LZTFL1: variants seen among roughly 807,000 people sequenced by gnomAD.
The protein encoded by LZTFL1 is leucine zipper transcription factor like 1, also known as leucine zipper transcription factor-like protein 1.
Under a neutral mutation model 45.9 loss-of-function variants are expected in LZTFL1, and 25 were observed. The observed-to-expected ratio is 0.54, with a 90% CI of 0.40 to 0.76. The LOEUF (loss-of-function observed/expected upper bound fraction) is 0.76. LZTFL1 is among the 30% of genes least tolerant of loss of function. LZTFL1 has a pLI of 0.00. For missense variants in LZTFL1, 277 were observed against 331.1 expected, an observed-to-expected ratio of 0.84 and a Z score of 1.27; for synonymous variants, 93 against 117.4, an observed-to-expected ratio of 0.79 and a Z score of 1.35.
At chr3:45,840,303 G>A (rs912671428) in intron 1 of LZTFL1, among the ~76,000 whole-genome samples, 1 of 152,154 alleles carries the variant, frequency 6.6e-6, no homozygotes, top group African/African-American at 2.4e-5. Context: ...CCTAGGAAAC[G>A]GCTATTCACA....
intron 2 of LZTFL1, among the ~76,000 whole-genome samples, chr3:45,864,257 A>G (rs1349996928): frequency 1.3e-5 from 2 of 152,258 alleles, no homozygotes; most frequent in Non-Finnish European, 1.5e-5. Context: ...GTAGCATATT[A>G]GTTCAAAATA....
rs555041020 is a variant in LZTFL1, at chr3:45,834,558, G to A, written c.324-260C>T. On this transcript the variant is annotated intron_variant, in intron 3 of 9. Transcript: ENST00000296135. ...TCTACTGCTAGAAATAAACCATAAT[G>A]TTAATACAAATATGAGGAAAATTTA... 41 of 288,356 alleles carry A rather than the reference G, an allele frequency of 1.4e-4. No individual in the cohort carries two copies. The South Asian group carries it at 3.7e-3, about 26-fold the overall frequency. The allele number at this position is 288,356 out of a possible 1,614,324, so 17.9% of individuals were successfully genotyped here.
At chr3:45,836,897 C>G (rs1009148930) in intron 2 of LZTFL1, among the ~76,000 whole-genome samples, 1 of 152,120 alleles carries the variant, frequency 6.6e-6, no homozygotes, top group African/African-American at 2.4e-5. Flanking sequence ...CTGTGTGTGC[C>G]TTCCAGTTTC....
rs1700628635 is a variant in LZTFL1, at chr3:45,824,986, T to TAA, written c.*1327_*1328insTT. On this transcript the variant is annotated 3_prime_UTR_variant, in exon 10 of 10. Coordinates refer to ENST00000296135, the MANE Select transcript of LZTFL1 (RefSeq NM_020347.4). ...CTTAAGACTGCCTTCTGTGTCCTTT[T>TAA]GCAGGGAAATTATCTTACCCTTTAA... 2.5e-6 allele frequency: 1 copy of TAA among 398,008 alleles called. No individual in the cohort carries two copies. Among genetic ancestry groups the TAA allele is most frequent in the Non-Finnish European group, 4.4e-6 (1 of 225,696 alleles). The allele number at this position is 398,008 out of a possible 1,614,324, so 24.7% of individuals were successfully genotyped here.
rs554356256 is a variant in LZTFL1, at chr3:45,898,964, G to A, written c.-215+14156C>T. Among the ~76,000 whole-genome samples the A allele has an allele frequency of 7.9e-5, 12 of 152,218 alleles. No homozygotes were observed. In the East Asian group the frequency reaches 1.9e-3, roughly 24 times the overall value. ...GGGTGGATTACGAGGTCAGAAGTTC[G>A]AGACCAGCCTGACCAACATGGTGAA... On this transcript the variant is annotated intron_variant, in intron 2 of 4. Coordinates refer to the LZTFL1 transcript ENST00000472635.
intron 2 of LZTFL1, among the ~76,000 whole-genome samples, chr3:45,876,407 C>T (rs1701749738): frequency 6.6e-6 from 1 of 152,120 alleles, no homozygotes; most frequent in African/African-American, 2.4e-5. Flanking sequence ...CGTGTGGGTG[C>T]CAAACTCACA....
chr3:45,834,591 C>T, intron 3 of LZTFL1: 1 of 238,588 alleles, frequency 4.2e-6, no homozygotes, highest in East Asian at 8.1e-5. Context: ...TTATAGTCAA[C>T]TTTGTATTCT....
Position 45,860,970 on chromosome 3 carries a change from T to G in LZTFL1, c.-214-1954A>C, listed in dbSNP as rs557358358. On this transcript the variant is annotated intron_variant, in intron 2 of 4. Transcript: ENST00000472635. ...AACATGTTTGTGCTTGACCCTCATTTGGGCATATTTCTTCTGGGTCTTTTA... is the reference window on the plus strand; with the variant it reads ...AACATGTTTGTGCTTGACCCTCATTGGGGCATATTTCTTCTGGGTCTTTTA... Among the ~76,000 whole-genome samples, 174 of 152,316 alleles carry G rather than the reference T, an allele frequency of 1.1e-3. 1 individual carries two copies. Among genetic ancestry groups the G allele is most frequent in the African/African-American group, 4.0e-3 (168 of 41,580 alleles).
At chr3:45,882,837 C>A (rs1274057454) in intron 2 of LZTFL1, among the ~76,000 whole-genome samples, 4 of 143,582 alleles carry the variant, frequency 2.8e-5, no homozygotes, top group South Asian at 4.7e-4. Context: ...TTATTATTAA[C>A]ATTTTTTTAA....
At chr3:45,888,902 A>G (rs974911548) in intron 2 of LZTFL1, among the ~76,000 whole-genome samples, 2 of 152,226 alleles carry the variant, frequency 1.3e-5, no homozygotes, top group African/African-American at 4.8e-5. Flanking sequence ...CAAATTTTCT[A>G]TGAGCCAGAA....
intron 1 of LZTFL1, among the ~76,000 whole-genome samples, chr3:45,839,452 T>G (rs867169246): frequency 1.3e-5 from 2 of 152,168 alleles, no homozygotes; most frequent in Admixed American, 1.3e-4. Context: ...TCCCAAAACC[T>G]CCCAAACTCT....
intron 5 of LZTFL1, 147 bp from the exon 6 acceptor site, chr3:45,831,285 A>G (rs1700809682): frequency 3.7e-6 from 2 of 543,338 alleles, no homozygotes; most frequent in Middle Eastern, 4.8e-4. Flanking sequence ...TAATATCCCA[A>G]TTTCATCCAG....
At chr3:45,851,350 C>T (rs1701307528) in intron 4 of LZTFL1, among the ~76,000 whole-genome samples, 1 of 151,704 alleles carries the variant, frequency 6.6e-6, no homozygotes, top group Admixed American at 6.6e-5. Context: ...CATCAGCCTC[C>T]TGAGTAGCTG....
At position 45,900,268 on chromosome 3, in the gene LZTFL1, T is replaced by A. The variant is rs1350720806; in HGVS notation, c.-215+12852A>T. 6.6e-6 allele frequency among the ~76,000 whole-genome samples: 1 copy of A among 152,154 alleles called. No homozygotes were observed. Among genetic ancestry groups the A allele is most frequent in the East Asian group, 1.9e-4 (1 of 5,198 alleles). ...GGTTGAGAGTGTCTGTGTGTGTATG[T>A]GTATGTGCATGTGTATGTGGGTGTA... On this transcript the variant is annotated intron_variant, in intron 2 of 4. Transcript: ENST00000472635. The surrounding 1 kb of genome is among the most constrained non-coding windows in gnomAD (Gnocchi z 4.7).
At chr3:45,879,971 C>T (rs1217187301) in intron 2 of LZTFL1, among the ~76,000 whole-genome samples, 1 of 152,176 alleles carries the variant, frequency 6.6e-6, no homozygotes, top group African/African-American at 2.4e-5. Context: ...TGTCCTCCTT[C>T]CATCAGGGGT....
chr3:45,861,958 T>C (rs1423933220), intron 2 of LZTFL1, among the ~76,000 whole-genome samples: 3 of 152,208 alleles, frequency 2.0e-5, no homozygotes, highest in African/African-American at 7.2e-5. Flanking sequence ...TTTGTCAAAG[T>C]ATTTTATTCC....
At position 45,837,993 on chromosome 3, in the gene LZTFL1, G is replaced by A; in HGVS notation, c.62C>T (p.Ala21Val). Reference protein sequence around the residue: ...QNEVINYMRFARSKRGLRLKT... With the variant: ...QNEVINYMRFVRSKRGLRLKT... ...GAGTCTCAAGCCTCTCTTTGAACGA[G>A]CAAAACGCATATAATTAATAACTTC... Residue 21 changes from alanine to valine, a missense_variant, in exon 2 of 10, where the codon GCT becomes GTT. Physicochemically the swap from Ala to Val is moderately conservative, Grantham distance 64. Transcript: ENST00000296135. 3.7e-6 allele frequency: 6 copies of A among 1,613,562 alleles called. No homozygotes were observed. Among genetic ancestry groups the A allele is most frequent in the Non-Finnish European group, 5.1e-6 (6 of 1,179,862 alleles).
In LZTFL1 at chr3:45,830,994, T is replaced by C; in HGVS notation, c.523-4A>G. The stretch of plus-strand genomic sequence containing the variant: ...TTTCATCCAGTGCATTTGTAGCCTA[T>C]AGTGAAGTTTAAACAAAACACTTTC... On this transcript the variant is annotated splice_region_variant and splice_polypyrimidine_tract_variant and intron_variant, in intron 6 of 9. Transcript: ENST00000296135. 1 of 1,613,450 alleles carries C rather than the reference T, an allele frequency of 6.2e-7. No homozygotes were observed.
chr3:45,874,286 T>A (rs977614483), intron 2 of LZTFL1, among the ~76,000 whole-genome samples: 4 of 152,118 alleles, frequency 2.6e-5, no homozygotes, highest in African/African-American at 9.7e-5. Context: ...AGTGGCCATT[T>A]GGGGTTGTGG....
Sources: gnomAD v4.1 joint callset for allele counts (sites outside exome capture counted in the v4.1 genomes callset) on GRCh38, gnomAD v4.1.1 for gene constraint, Gnocchi (gnomAD v3.1) non-coding constraint, MANE v1.5 for transcripts, NCBI Gene and HGNC (gene_info 2026-07-23, HGNC 2026-07-21) for gene names.